The following PTPRO variants were observed in gnomAD, a reference collection of about 807,000 sequenced individuals.
The protein encoded by PTPRO is protein tyrosine phosphatase receptor type O, also known as receptor-type tyrosine-protein phosphatase O.
In PTPRO, 62 loss-of-function variants were observed where a neutral mutation model predicts 145.2. The ratio of observed to expected loss-of-function variants is 0.43; its 90% confidence interval spans 0.35 to 0.53. The LOEUF is 0.53. Ranked by LOEUF, PTPRO falls within the 20% of genes least tolerant of loss-of-function variation. The pLI is 0.01. For missense variants in PTPRO, 1,345 were observed against 1,482.7 expected, an observed-to-expected ratio of 0.91 and a Z score of 1.53; for synonymous variants, 565 against 514.7, an observed-to-expected ratio of 1.10 and a Z score of -1.32.
At chr12:15,491,623 G>C (rs1251433921) in intron 2 of PTPRO, among the ~76,000 whole-genome samples, 1 of 152,120 alleles carries the variant, frequency 6.6e-6, no homozygotes. Context: ...GAAAAAACTA[G>C]GAACTTATGC....
chr12:15,374,311 ACTT>A (rs1172926155), intron 1 of PTPRO, among the ~76,000 whole-genome samples: 1 of 152,198 alleles, frequency 6.6e-6, no homozygotes, highest in African/African-American at 2.4e-5. Context: ...CCATAAATCC[ACTT>A]CTTCATGAAA....
intron 1 of PTPRO, among the ~76,000 whole-genome samples, chr12:15,379,071 A>G (rs193284221): frequency 5.4e-4 from 82 of 152,272 alleles, no homozygotes; most frequent in African/African-American, 1.9e-3. Context: ...ACCCTCATAC[A>G]TTGCTGGTGA....
intron 1 of PTPRO, among the ~76,000 whole-genome samples, chr12:15,424,028 C>T (rs970915343): frequency 6.6e-6 from 1 of 152,204 alleles, no homozygotes; most frequent in Admixed American, 6.5e-5. Context: ...GACAAGCAGC[C>T]TGCAAGGAGA....
rs564473574 is a variant in PTPRO, at chr12:15,560,180, T to C, written c.2628-13T>C. 1.5e-4 allele frequency: 237 copies of C among 1,552,284 alleles called. No homozygotes were observed. The South Asian group carries it at 2.4e-3, about 16-fold the overall frequency. On this transcript the variant is annotated splice_polypyrimidine_tract_variant and intron_variant, in intron 16 of 26. Transcript: ENST00000281171. ...TTTTCATCTTTCCATCTGTTGTCTA[T>C]TAATGCACACAGGCGTAGGAGTATA... is the stretch of plus-strand genomic sequence containing the variant.
chr12:15,552,823 A>G (rs1943504187), intron 15 of PTPRO, among the ~76,000 whole-genome samples: 1 of 104,066 alleles, frequency 9.6e-6, no homozygotes, highest in African/African-American at 3.7e-5. Flanking sequence ...TTTTTGAGAC[A>G]GAGTCTCACT....
chr12:15,527,000 T>C (rs1217916087), intron 12 of PTPRO, among the ~76,000 whole-genome samples: 2 of 152,174 alleles, frequency 1.3e-5, no homozygotes, highest in Admixed American at 1.3e-4. Flanking sequence ...GAGATATATT[T>C]TCATATAATG....
At chr12:15,463,303 C>A (rs1255748535) in intron 1 of PTPRO, among the ~76,000 whole-genome samples, 2 of 152,110 alleles carry the variant, frequency 1.3e-5, no homozygotes, top group Non-Finnish European at 2.9e-5. Flanking sequence ...ATATTTGAAT[C>A]TCTGTGGCAC....
At chr12:15,406,937 G>A (rs1313273303) in intron 1 of PTPRO, among the ~76,000 whole-genome samples, 1 of 152,182 alleles carries the variant, frequency 6.6e-6, no homozygotes, top group Non-Finnish European at 1.5e-5. Flanking sequence ...AAGTAGCATA[G>A]ACTTAGCGAT....
chr12:15,330,023 C>T (rs1450678901), intron 1 of PTPRO, among the ~76,000 whole-genome samples: 1 of 152,120 alleles, frequency 6.6e-6, no homozygotes, highest in African/African-American at 2.4e-5. Context: ...GCCACAGGAG[C>T]CAGATCAGGG....
chr12:15,364,866 A>T (rs1938314847), intron 1 of PTPRO, among the ~76,000 whole-genome samples: 1 of 152,192 alleles, frequency 6.6e-6, no homozygotes, highest in African/African-American at 2.4e-5. Context: ...ATGCTTCTTG[A>T]AGAAATTCAT....
intron 25 of PTPRO, among the ~76,000 whole-genome samples, chr12:15,591,735 C>T (rs1245790369): frequency 2.6e-5 from 4 of 151,894 alleles, no homozygotes; most frequent in Non-Finnish European, 5.9e-5. Flanking sequence ...TGGTGGCACA[C>T]GCCTGTAGTC....
intron 1 of PTPRO, among the ~76,000 whole-genome samples, chr12:15,462,374 C>A (rs1462117400): frequency 6.6e-6 from 1 of 152,172 alleles, no homozygotes; most frequent in African/African-American, 2.4e-5. Context: ...GACCCACCCG[C>A]CTCGGCCTCC....
chr12:15,450,297 C>A (rs935720527), intron 1 of PTPRO, among the ~76,000 whole-genome samples: 18 of 152,188 alleles, frequency 1.2e-4, no homozygotes, highest in Non-Finnish European at 2.6e-4. Flanking sequence ...ATATTAAAGA[C>A]CCTCTGCCAG....
chr12:15,472,254 T>C (rs1941558871), intron 1 of PTPRO, among the ~76,000 whole-genome samples: 1 of 152,202 alleles, frequency 6.6e-6, no homozygotes, highest in Non-Finnish European at 1.5e-5. Flanking sequence ...CTGCCTGAAC[T>C]ATTGCAACAC....
At chr12:15,575,605 C>T (rs1470221809) in intron 19 of PTPRO, among the ~76,000 whole-genome samples, 1 of 152,224 alleles carries the variant, frequency 6.6e-6, no homozygotes, top group African/African-American at 2.4e-5. Flanking sequence ...GACCTGTATG[C>T]TTCAAACACA....
chr12:15,398,829 T>C (rs1316027867), intron 1 of PTPRO, among the ~76,000 whole-genome samples: 4 of 152,200 alleles, frequency 2.6e-5, no homozygotes, highest in Non-Finnish European at 5.9e-5. Flanking sequence ...ATCAAATCAT[T>C]GTACCATGAG....
chr12:15,519,378 C>T (rs558345432), intron 9 of PTPRO, among the ~76,000 whole-genome samples: 12 of 152,188 alleles, frequency 7.9e-5, no homozygotes, highest in Non-Finnish European at 1.8e-4. Context: ...ATAGGTATGG[C>T]TATTTTCAAG....
chr12:15,572,432 A>T (rs1018456205), intron 19 of PTPRO, among the ~76,000 whole-genome samples: 3 of 152,256 alleles, frequency 2.0e-5, no homozygotes, highest in Non-Finnish European at 2.9e-5. Flanking sequence ...ATGTAATATT[A>T]CAAAGAAATT....
chr12:15,456,975 TTTA>T (rs1473898793), intron 1 of PTPRO, among the ~76,000 whole-genome samples: 8 of 152,224 alleles, frequency 5.3e-5, no homozygotes, highest in African/African-American at 1.9e-4. Context: ...TGTTCTAATC[TTTA>T]TTATTTTCTT....
Sources: gnomAD v4.1 joint callset for allele counts (sites outside exome capture counted in the v4.1 genomes callset) on GRCh38, gnomAD v4.1.1 for gene constraint, MANE v1.5 for transcripts, NCBI Gene and HGNC (gene_info 2026-07-23, HGNC 2026-07-21) for gene names.